TENM1: variants seen among roughly 807,000 people sequenced by gnomAD.
The protein encoded by TENM1 is teneurin-1.
A neutral mutation model predicts 174.8 loss-of-function variants in TENM1; 35 were observed. That is an observed-to-expected ratio of 0.20 (90% confidence interval 0.15 to 0.27). TENM1 has a LOEUF of 0.27. TENM1 is among the 10% of genes least tolerant of loss of function. TENM1 has a pLI of 1.00. For missense variants in TENM1, 1,633 were observed against 2,130.1 expected (o/e 0.77, Z 4.59); for synonymous variants, 781 against 798.7 (o/e 0.98, Z 0.37).
intron 23 of TENM1, among the ~76,000 whole-genome samples, chrX:124,441,012 A>G (rs914039679): frequency 1.9e-4 from 21 of 112,130 alleles, no homozygotes; most frequent in South Asian, 1.5e-3. Flanking sequence ...GGCTCCAACA[A>G]TTTATAGTTG....
chrX:124,440,221 A>G (rs1034846042), intron 23 of TENM1, among the ~76,000 whole-genome samples: 4 of 112,274 alleles, frequency 3.6e-5, no homozygotes, highest in Non-Finnish European at 7.5e-5. Flanking sequence ...AAATGCATTT[A>G]AATTAGAGAC....
chrX:125,200,654 T>TGTGTGAGAGAGAGA, the TENM1 span, among the ~76,000 whole-genome samples: 465 of 92,400 alleles, frequency 5.0e-3, 4 homozygotes, highest in African/African-American at 0.019. Flanking sequence ...TGTGTGTGTG[T>TGTGTGAGAGAGAGA]GAGAGAGAGA....
intron 10 of TENM1, among the ~76,000 whole-genome samples, chrX:124,642,332 A>G (rs1373944604): frequency 8.9e-6 from 1 of 112,079 alleles, no homozygotes; most frequent in East Asian, 2.8e-4. Flanking sequence ...GCTTCGCAAA[A>G]AAGCCCAAGA....
chrX:124,918,182 A>ATT (rs373039228), intron 1 of TENM1, among the ~76,000 whole-genome samples: 2 of 101,978 alleles, frequency 2.0e-5, no homozygotes, highest in Non-Finnish European at 4.0e-5. Context: ...AAGATACTGA[A>ATT]TTTTTTTTTT....
intron 3 of TENM1, among the ~76,000 whole-genome samples, chrX:124,757,776 A>G (rs1354932142): frequency 8.9e-6 from 1 of 112,310 alleles, no homozygotes; most frequent in Non-Finnish European, 1.9e-5. Flanking sequence ...ATTGAATGTT[A>G]TTTTATATTT....
chrX:124,538,878 G>C (rs368081484), intron 15 of TENM1, among the ~76,000 whole-genome samples: 2 of 111,566 alleles, frequency 1.8e-5, no homozygotes, highest in East Asian at 5.6e-4. Flanking sequence ...TTCCAAATCA[G>C]TAAGTGGTTT....
chrX:124,506,476 C>T (rs1273253958), intron 18 of TENM1, among the ~76,000 whole-genome samples: 1 of 111,642 alleles, frequency 9.0e-6, no homozygotes, highest in Non-Finnish European at 1.9e-5. Context: ...TTTTTTTCCC[C>T]AGCCACAGCA....
the TENM1 span, among the ~76,000 whole-genome samples, chrX:125,142,238 G>A: frequency 8.9e-6 from 1 of 111,884 alleles, no homozygotes; most frequent in Non-Finnish European, 1.9e-5. Flanking sequence ...AGTTTGGATA[G>A]TGGGACTGCT....
At chrX:124,384,136 C>A (rs191706396) in exon 30 of TENM1, 1 of 1,210,804 alleles carries the variant, frequency 8.3e-7, no homozygotes, top group South Asian at 1.8e-5. Flanking sequence ...TGGACTTACT[C>A]GCGACACGTC....
chrX:125,029,417 T>A, the TENM1 span, among the ~76,000 whole-genome samples: 1 of 111,366 alleles, frequency 9.0e-6, no homozygotes, highest in Non-Finnish European at 1.9e-5. Flanking sequence ...TGTAGCACTT[T>A]AAAAGCAAAA....
At chrX:124,919,189 T>C (rs932728298) in intron 1 of TENM1, among the ~76,000 whole-genome samples, 3 of 112,385 alleles carry the variant, frequency 2.7e-5, no homozygotes, top group African/African-American at 9.7e-5. Context: ...AGTGGTACTC[T>C]GATTTGTCTA....
At chrX:124,593,031 C>G (rs1569331529) in intron 11 of TENM1, among the ~76,000 whole-genome samples, 1 of 111,457 alleles carries the variant, frequency 9.0e-6, no homozygotes, top group Non-Finnish European at 1.9e-5. Flanking sequence ...TGGACTGATT[C>G]ATGCAGTGCA....
At chrX:124,798,610 T>C (rs757425033) in intron 3 of TENM1, among the ~76,000 whole-genome samples, 1 of 111,825 alleles carries the variant, frequency 8.9e-6, no homozygotes, top group East Asian at 2.8e-4. Flanking sequence ...ATGGGTAGAT[T>C]GCAAAAATAT....
At chrX:124,915,513 A>G (rs919641197) in intron 1 of TENM1, among the ~76,000 whole-genome samples, 7 of 112,570 alleles carry the variant, frequency 6.2e-5, no homozygotes, top group Non-Finnish European at 9.4e-5. Context: ...TGACAGAGTG[A>G]GACTTTGTCT....
the TENM1 span, among the ~76,000 whole-genome samples, chrX:125,062,167 TG>T: frequency 9.0e-6 from 1 of 111,594 alleles, no homozygotes; most frequent in African/African-American, 3.3e-5. Context: ...AGAATTGATA[TG>T]AAAAAAAATC....
chrX:124,481,105 A>C (rs1004385634), intron 22 of TENM1, among the ~76,000 whole-genome samples: 1 of 112,290 alleles, frequency 8.9e-6, no homozygotes, highest in Non-Finnish European at 1.9e-5. Context: ...AAACTCCCAC[A>C]GAAGGCAACA....
intron 9 of TENM1, among the ~76,000 whole-genome samples, chrX:124,646,225 G>A (rs766178902): frequency 8.0e-5 from 9 of 112,305 alleles, no homozygotes; most frequent in Non-Finnish European, 1.7e-4. Context: ...CTTTCCAGTC[G>A]TTACTTTGTA....
At chrX:124,964,619 T>C (rs2058702076), upstream of TENM1, among the ~76,000 whole-genome samples, 1 of 111,686 alleles carries the variant, frequency 9.0e-6, no homozygotes, top group African/African-American at 3.3e-5. Context: ...TTAGGGCCAG[T>C]AGAGGCATTA....
chrX:124,438,014 T>A (rs2060862533), intron 23 of TENM1, among the ~76,000 whole-genome samples: 1 of 112,131 alleles, frequency 8.9e-6, no homozygotes, highest in Admixed American at 9.4e-5. Context: ...CCTCTCATAA[T>A]TAATAGAGAG....
Sources: allele counts gnomAD v4.1 joint callset (sites outside exome capture counted in the v4.1 genomes callset), GRCh38; gene constraint gnomAD v4.1.1; transcripts MANE v1.5; gene names NCBI Gene and HGNC (gene_info 2026-07-23, HGNC 2026-07-21).